GMDS: variants seen among roughly 807,000 people sequenced by gnomAD.
GMDS encodes the protein GDP-mannose 4,6 dehydratase.
A neutral mutation model predicts 49.9 loss-of-function variants in GMDS; 20 were observed. That is an observed-to-expected ratio of 0.40 (90% CI 0.28 to 0.58). The LOEUF is 0.58. Ranked by LOEUF, GMDS falls within the 20% of genes least tolerant of loss-of-function variation. The pLI is 0.42. For missense variants in GMDS, 362 were observed against 481.4 expected (o/e 0.75, Z 2.32); for synonymous variants, 177 against 178.6 (o/e 0.99, Z 0.07).
At chr6:1,801,599 G>A (rs375351197) in intron 7 of GMDS, among the ~76,000 whole-genome samples, 1 of 152,220 alleles carries the variant, frequency 6.6e-6, no homozygotes, top group African/African-American at 2.4e-5. Flanking sequence ...AGGGCAAAGG[G>A]AGCAGATGTT....
intron 1 of GMDS, among the ~76,000 whole-genome samples, chr6:2,186,636 C>A (rs1778791557): frequency 6.6e-6 from 1 of 152,102 alleles, no homozygotes; most frequent in South Asian, 2.1e-4. Context: ...CACTGAAGAC[C>A]ATTGTTTAGG....
At chr6:2,170,936 G>C (rs1183444097) in intron 1 of GMDS, among the ~76,000 whole-genome samples, 2 of 151,620 alleles carry the variant, frequency 1.3e-5, no homozygotes, top group Non-Finnish European at 2.9e-5. Flanking sequence ...CAGAGCTTGT[G>C]GTGAGCCGAG....
chr6:2,213,352 G>A (rs1469590300), intron 1 of GMDS, among the ~76,000 whole-genome samples: 1 of 152,110 alleles, frequency 6.6e-6, no homozygotes, highest in African/African-American at 2.4e-5. Flanking sequence ...CTAATGGTGG[G>A]ACCTTAGGCC....
At chr6:1,670,571 A>G (rs192181564) in intron 9 of GMDS, among the ~76,000 whole-genome samples, 69 of 152,296 alleles carry the variant, frequency 4.5e-4, no homozygotes, top group African/African-American at 1.6e-3. Context: ...AAGACAGAGA[A>G]GAAAACACTG....
chr6:1,858,154 G>T (rs1000886697), intron 7 of GMDS, among the ~76,000 whole-genome samples: 5 of 151,958 alleles, frequency 3.3e-5, no homozygotes, highest in Non-Finnish European at 5.9e-5. Context: ...TCAGTACATG[G>T]AATAAAACAT....
chr6:1,842,153 C>A (rs1466404297), intron 7 of GMDS, among the ~76,000 whole-genome samples: 1 of 152,184 alleles, frequency 6.6e-6, no homozygotes, highest in Non-Finnish European at 1.5e-5. Context: ...AAAATCTCCA[C>A]CTCACCTCTT....
At chr6:1,930,747 G>A (rs967516528) in intron 6 of GMDS, 2 of 152,116 alleles carry the variant, frequency 1.3e-5, no homozygotes, top group African/African-American at 4.8e-5. Flanking sequence ...AACAAGAAAG[G>A]AATTTATTTA....
At chr6:1,911,079 C>T (rs1427745167) in intron 7 of GMDS, among the ~76,000 whole-genome samples, 2 of 152,104 alleles carry the variant, frequency 1.3e-5, no homozygotes, top group Non-Finnish European at 2.9e-5. Context: ...TGAAGCATTT[C>T]GAAAGCAAAG....
intron 1 of GMDS, among the ~76,000 whole-genome samples, chr6:2,181,770 C>G (rs1423169888): frequency 6.6e-6 from 1 of 152,142 alleles, no homozygotes. Flanking sequence ...AACTGACTCT[C>G]CTCCCTCTTC....
At chr6:2,085,995 T>C (rs2127472134) in intron 4 of GMDS, among the ~76,000 whole-genome samples, 1 of 152,300 alleles carries the variant, frequency 6.6e-6, no homozygotes, top group Middle Eastern at 3.4e-3. Context: ...CATCAAATTA[T>C]TAAATAAACT....
At chr6:2,220,485 T>A (rs1780535353) in intron 1 of GMDS, among the ~76,000 whole-genome samples, 1 of 152,210 alleles carries the variant, frequency 6.6e-6, no homozygotes, top group African/African-American at 2.4e-5. Context: ...CAATAATTGC[T>A]TATACGTAGC....
intron 4 of GMDS, among the ~76,000 whole-genome samples, chr6:2,065,059 C>T (rs573725676): frequency 8.8e-4 from 134 of 152,228 alleles, no homozygotes; most frequent in African/African-American, 2.1e-3. Context: ...GTTCTCCCAG[C>T]ATGCAGCTGG....
At position 1,948,152 on chromosome 6, in the gene GMDS, C is replaced by T. The variant is rs527583847; in HGVS notation, c.643+11715G>A. On this transcript the variant is annotated intron_variant, in intron 6 of 10. Coordinates refer to ENST00000380815, the MANE Select transcript of GMDS (RefSeq NM_001500.4). ...AGACTCAGAGAGATTGAGAAACTGGCCAGAGTTGTTCTAGTATGTAGTAGA... is the reference window on the plus strand; with the variant it reads ...AGACTCAGAGAGATTGAGAAACTGGTCAGAGTTGTTCTAGTATGTAGTAGA... Among the ~76,000 whole-genome samples the T allele has an allele frequency of 1.8e-4, 27 of 152,196 alleles. 1 individual carries two copies. The highest frequency in any genetic ancestry group is 1.6e-3 in the Admixed American group (25 of 15,292).
intron 6 of GMDS, among the ~76,000 whole-genome samples, chr6:1,949,382 G>T (rs1420711285): frequency 3.9e-5 from 6 of 152,182 alleles, no homozygotes; most frequent in Non-Finnish European, 1.5e-5. Context: ...TGGCTATATT[G>T]CAGGGAACTG....
chr6:2,085,136 A>G (rs1181042235), intron 4 of GMDS, among the ~76,000 whole-genome samples: 1 of 152,082 alleles, frequency 6.6e-6, no homozygotes, highest in East Asian at 1.9e-4. Flanking sequence ...TAAGTTTATG[A>G]AAGTATTTTC....
intron 1 of GMDS, among the ~76,000 whole-genome samples, chr6:2,217,209 T>C (rs1780382546): frequency 6.6e-6 from 1 of 152,086 alleles, no homozygotes; most frequent in African/African-American, 2.4e-5. Context: ...CTGGGACACC[T>C]GGCTGCACCC....
chr6:1,840,287 C>T (rs1757099534), intron 7 of GMDS, among the ~76,000 whole-genome samples: 1 of 152,174 alleles, frequency 6.6e-6, no homozygotes, highest in Non-Finnish European at 1.5e-5. Context: ...GGAGTGGTAC[C>T]ACCCCTCTCA....
At chr6:2,101,511 A>G (rs1032821921) in intron 4 of GMDS, among the ~76,000 whole-genome samples, 2 of 152,130 alleles carry the variant, frequency 1.3e-5, no homozygotes, top group African/African-American at 4.8e-5. Flanking sequence ...GTTCAACCTG[A>G]TAAGTGGAAT....
intron 2 of GMDS, among the ~76,000 whole-genome samples, chr6:2,122,813 C>T (rs1049468441): frequency 6.6e-6 from 1 of 152,178 alleles, no homozygotes; most frequent in Non-Finnish European, 1.5e-5. Flanking sequence ...TGTACTTTCC[C>T]GCTATAGTGT....
Sources: gnomAD v4.1 joint callset for allele counts (sites outside exome capture counted in the v4.1 genomes callset) on GRCh38, gnomAD v4.1.1 for gene constraint, MANE v1.5 for transcripts, NCBI Gene and HGNC (gene_info 2026-07-23, HGNC 2026-07-21) for gene names.